The following DNAI7 variants were observed in gnomAD, a reference collection of about 807,000 sequenced individuals.
The protein encoded by DNAI7 is cancer susceptibility 1.
DNAI7 carries 78 observed loss-of-function variants against 86.6 expected under a neutral mutation model. The ratio of observed to expected loss-of-function variants is 0.90; its 90% CI spans 0.75 to 1.09. DNAI7 has a LOEUF of 1.09. DNAI7 is among the 50% of genes least tolerant of loss of function. DNAI7 has a pLI of 0.00. For missense variants in DNAI7, 753 were observed against 810.2 expected (o/e 0.93, Z 0.86); for synonymous variants, 274 against 273.0 (o/e 1.00, Z -0.04).
At chr12:25,175,091 G>C (rs1948810802) in intron 2 of DNAI7, among the ~76,000 whole-genome samples, 1 of 151,654 alleles carries the variant, frequency 6.6e-6, no homozygotes, top group Non-Finnish European at 1.5e-5. Flanking sequence ...AATACCACCT[G>C]TACCTCAATA....
At chr12:25,155,108 A>T (rs951542949) in intron 5 of DNAI7, among the ~76,000 whole-genome samples, 12 of 152,250 alleles carry the variant, frequency 7.9e-5, no homozygotes, top group Non-Finnish European at 1.5e-5. Context: ...GTCAAAGAAT[A>T]TAAACATTTC....
At chr12:25,161,518 G>C (rs917861411) in intron 2 of DNAI7, among the ~76,000 whole-genome samples, 2 of 152,130 alleles carry the variant, frequency 1.3e-5, no homozygotes, top group African/African-American at 4.8e-5. Flanking sequence ...TCTTGTTGTA[G>C]AGAATAAAGT....
At chr12:25,123,664 G>A (rs1420889038) in intron 9 of DNAI7, among the ~76,000 whole-genome samples, 6 of 152,124 alleles carry the variant, frequency 3.9e-5, no homozygotes, top group South Asian at 2.1e-4. Context: ...CCCAAAGCCT[G>A]CTTTTGGGTA....
At position 25,174,584 on chromosome 12, in the gene DNAI7, T is replaced by G. The variant is rs1332631264; in HGVS notation, c.22-13387A>C. ...TATCATATATATGGGATATATATCA[T>G]ATATATGGGATATATATATGATATA... On this transcript the variant is annotated intron_variant, in intron 2 of 15. Coordinates refer to ENST00000395987, the MANE Select transcript of DNAI7 (RefSeq NM_018272.5). Among the ~76,000 whole-genome samples the G allele has an allele frequency of 1.0e-4, 10 of 96,722 alleles. No individual in the cohort carries two copies. In the East Asian group the frequency reaches 1.9e-3, roughly 19 times the overall value. The allele number at this position is 96,722 out of a possible 152,430, so 63.5% of individuals were successfully genotyped here.
At chr12:25,165,385 G>T (rs965251969) in intron 2 of DNAI7, among the ~76,000 whole-genome samples, 2 of 152,144 alleles carry the variant, frequency 1.3e-5, no homozygotes, top group Non-Finnish European at 2.9e-5. Context: ...CAGCTGCTGG[G>T]GTTACTCTAG....
chr12:25,116,593 A>G (rs1384842439), intron 12 of DNAI7, among the ~76,000 whole-genome samples: 2 of 152,122 alleles, frequency 1.3e-5, no homozygotes, highest in Non-Finnish European at 2.9e-5. Context: ...TCCGCCTCCC[A>G]GGTTCAAGCA....
rs985141564 is a variant in DNAI7, at chr12:25,111,885, T to C, written c.1666A>G (p.Ile556Val). 3 of 1,606,808 alleles carry C rather than the reference T, an allele frequency of 1.9e-6. No homozygotes were observed. Among genetic ancestry groups the C allele is most frequent in the Non-Finnish European group, 2.6e-6 (3 of 1,176,338 alleles). ...IKLKDKKHIS[I>V]LEGTWMTPIP... ...GGAGTCATCCAGGTTCCTTCCAAAA[T>C]AGAGATGTGTTTCTTGTCTTTTAGT... The change falls in exon 14 of 16, where the codon ATT becomes GTT. Residue 556 changes from isoleucine to valine, a missense_variant. Physicochemically the swap from Ile to Val is conservative, Grantham distance 29. Transcript: ENST00000395987.
chr12:25,173,744 A>G (rs73077338), intron 2 of DNAI7, among the ~76,000 whole-genome samples: 17,470 of 151,672 alleles, frequency 0.12, 1,359 homozygotes, highest in Admixed American at 0.16. Context: ...TGATATATAT[A>G]TATACACACA....
At chr12:25,130,408 G>A (rs908174778) in intron 9 of DNAI7, among the ~76,000 whole-genome samples, 1 of 151,944 alleles carries the variant, frequency 6.6e-6, no homozygotes, top group Non-Finnish European at 1.5e-5. Flanking sequence ...GCGGGGGCGG[G>A]TGCCTGTAGT....
chr12:25,140,725 T>G (rs1429617523), intron 9 of DNAI7, among the ~76,000 whole-genome samples: 1 of 151,762 alleles, frequency 6.6e-6, no homozygotes, highest in Non-Finnish European at 1.5e-5. Flanking sequence ...AAAATTCATA[T>G]GAAACCAAAA....
At chr12:25,135,972 T>G (rs975803127) in intron 9 of DNAI7, among the ~76,000 whole-genome samples, 1 of 152,106 alleles carries the variant, frequency 6.6e-6, no homozygotes, top group Non-Finnish European at 1.5e-5. Flanking sequence ...TATGGCCCCA[T>G]CCATCACCTG....
At position 25,108,357 on chromosome 12, in the gene DNAI7, T is replaced by TAACA. The variant is rs1949378943; in HGVS notation, c.*187_*190dup. The TAACA allele has an allele frequency of 1.1e-5, 6 of 563,904 alleles. No individual in the cohort carries two copies. The highest frequency in any genetic ancestry group is 3.8e-5 in the African/African-American group (2 of 52,790). 34.9% of individuals were successfully genotyped at this position (563,904 alleles called of 1,614,324 possible). ...TTCATAGAGTGAAAGCTGAAATTCTTAACAGGCCAAGTATTCAAAGGAAAA... is the reference window on the plus strand; with the variant it reads ...TTCATAGAGTGAAAGCTGAAATTCTTAACAAACAGGCCAAGTATTCAAAGGAAAA... On this transcript the variant is annotated 3_prime_UTR_variant, in exon 16 of 16. Coordinates refer to ENST00000395987, the MANE Select transcript of DNAI7 (RefSeq NM_018272.5).
chr12:25,115,943 G>A (rs1939989461), intron 12 of DNAI7, among the ~76,000 whole-genome samples: 1 of 152,164 alleles, frequency 6.6e-6, no homozygotes, highest in South Asian at 2.1e-4. Context: ...AGCCATCTGT[G>A]TCGTGCTCTA....
At chr12:25,170,994 T>A (rs1246433260) in intron 2 of DNAI7, among the ~76,000 whole-genome samples, 1 of 152,174 alleles carries the variant, frequency 6.6e-6, no homozygotes, top group Non-Finnish European at 1.5e-5. Context: ...ACGGGAAAGT[T>A]CATAGCCCTA....
chr12:25,164,851 A>G (rs968535907), intron 2 of DNAI7, among the ~76,000 whole-genome samples: 6 of 150,358 alleles, frequency 4.0e-5, no homozygotes, highest in Non-Finnish European at 8.9e-5. Flanking sequence ...CTCAGCCTCC[A>G]CTCCTCCACC....
At chr12:25,118,952 A>G (rs367563594) in intron 12 of DNAI7, among the ~76,000 whole-genome samples, 193 bp downstream of exon 12, 25 of 152,368 alleles carry the variant, frequency 1.6e-4, no homozygotes, top group East Asian at 9.6e-4. Flanking sequence ...TTAGGAGTTA[A>G]TAGTTACAAC....
chr12:25,112,469 T>G (rs554918253), intron 13 of DNAI7, among the ~76,000 whole-genome samples: 4 of 144,208 alleles, frequency 2.8e-5, no homozygotes, highest in Non-Finnish European at 6.0e-5. Context: ...TGCAGTGGTG[T>G]GATCTTGGCT....
intron 9 of DNAI7, among the ~76,000 whole-genome samples, chr12:25,125,700 T>C (rs753202277): frequency 6.6e-6 from 1 of 152,172 alleles, no homozygotes; most frequent in Admixed American, 6.5e-5. Flanking sequence ...ATGTCCAGGA[T>C]TGTATTGCCT....
chr12:25,113,893 G>T (rs1939489472), intron 13 of DNAI7, among the ~76,000 whole-genome samples: 1 of 142,840 alleles, frequency 7.0e-6, no homozygotes, highest in Non-Finnish European at 1.5e-5. Flanking sequence ...ATCTACTTTT[G>T]TCTCCAAACA....
Sources: gnomAD v4.1 joint callset for allele counts (sites outside exome capture counted in the v4.1 genomes callset) on GRCh38, gnomAD v4.1.1 for gene constraint, MANE v1.5 for transcripts, NCBI Gene and HGNC (gene_info 2026-07-23, HGNC 2026-07-21) for gene names.